The following DYM variants were observed in gnomAD, a reference collection of about 807,000 sequenced individuals.
DYM encodes the protein dyggve-Melchior-Clausen syndrome protein.
DYM carries 78 observed loss-of-function variants against 93.1 expected under a neutral mutation model. That is an observed-to-expected ratio of 0.84 (90% CI 0.70 to 1.01). The LOEUF is 1.01. Ranked by LOEUF, DYM falls within the 50% of genes least tolerant of loss-of-function variation. The pLI is 0.00. For missense variants in DYM, 789 were observed against 845.0 expected, an observed-to-expected ratio of 0.93 and a Z score of 0.82; for synonymous variants, 321 against 319.7, an observed-to-expected ratio of 1.00 and a Z score of -0.04.
rs71165367 is a variant in DYM at position 49,120,078 on chromosome 18, CA to C, written c.1729-1153del. On this transcript the variant is annotated intron_variant, in intron 15 of 17. Transcript: ENST00000675505. ...TGAGTGACAGAGCCAGATCCTGTCTCAAAAAAAAAAAAAAAAAGAAAAAAAA... is the reference window on the plus strand; with the variant it reads ...TGAGTGACAGAGCCAGATCCTGTCTCAAAAAAAAAAAAAAAAGAAAAAAAA... Among the ~76,000 whole-genome samples, 501 of 56,172 alleles carry C rather than the reference CA, an allele frequency of 8.9e-3. 5 individuals carry two copies. In the East Asian group the frequency reaches 0.099, roughly 11 times the overall value. 36.9% of individuals were successfully genotyped at this position (56,172 alleles called of 152,430 possible).
chr18:49,218,315 A>C (rs188585262), intron 13 of DYM, among the ~76,000 whole-genome samples: 4,413 of 152,326 alleles, frequency 0.029, 94 homozygotes, highest in South Asian at 0.072. Context: ...GGGAGACTTT[A>C]ACACCCCACT....
chr18:49,254,864 T>C (rs770336253), intron 13 of DYM, among the ~76,000 whole-genome samples: 1 of 152,168 alleles, frequency 6.6e-6, no homozygotes. Context: ...AACTCTGTTA[T>C]GGTGAAATAA....
At chr18:49,207,993 G>A (rs1005558362) in intron 14 of DYM, among the ~76,000 whole-genome samples, 2 of 151,926 alleles carry the variant, frequency 1.3e-5, no homozygotes, top group Admixed American at 6.6e-5. Flanking sequence ...GACTAGCCTG[G>A]CCAACATGGT....
At chr18:49,273,764 T>C (rs2094773950) in intron 10 of DYM, among the ~76,000 whole-genome samples, 1 of 152,012 alleles carries the variant, frequency 6.6e-6, no homozygotes, top group Admixed American at 6.6e-5. Flanking sequence ...TAATAAAACA[T>C]TTCTCAGAAC....
chr18:49,211,083 T>G lies in DYM; in HGVS notation c.1461-1368A>C, dbSNP rs537594402. Among the ~76,000 whole-genome samples, 3 of 152,278 alleles carry G rather than the reference T, an allele frequency of 2.0e-5. No homozygotes were observed. The East Asian group carries it at 5.8e-4, about 29-fold the overall frequency. ...GGAGTCAGAAAACTTAGAAATCCTT[T>G]GGAAAAGTGCTTGCAAAAATAAAAT... On this transcript the variant is annotated intron_variant, in intron 13 of 17. Transcript: ENST00000675505.
At chr18:49,198,140 C>G (rs1445325951) in intron 14 of DYM, among the ~76,000 whole-genome samples, 5 of 152,130 alleles carry the variant, frequency 3.3e-5, no homozygotes, top group East Asian at 1.9e-4. Context: ...AAAGGATTCC[C>G]TATTTAATAA....
chr18:49,125,042 G>A (rs1381285472), intron 15 of DYM, among the ~76,000 whole-genome samples: 2 of 152,234 alleles, frequency 1.3e-5, no homozygotes, highest in East Asian at 3.9e-4. Flanking sequence ...GGCGGATCAC[G>A]AGGTCAAGAG....
intron 10 of DYM, among the ~76,000 whole-genome samples, chr18:49,279,797 C>T (rs980949307): frequency 2.6e-5 from 4 of 152,196 alleles, no homozygotes; most frequent in Admixed American, 2.6e-4. Flanking sequence ...AGCATACTTT[C>T]ATACTCAATT....
chr18:49,277,604 G>C (rs2094877414), intron 10 of DYM, among the ~76,000 whole-genome samples: 1 of 152,170 alleles, frequency 6.6e-6, no homozygotes, highest in African/African-American at 2.4e-5. Flanking sequence ...ACCCTTATAA[G>C]AGATAGGAGA....
chr18:49,347,214 A>G (rs1224350546), intron 6 of DYM, among the ~76,000 whole-genome samples: 1 of 152,196 alleles, frequency 6.6e-6, no homozygotes, highest in Non-Finnish European at 1.5e-5. Flanking sequence ...TATAAGGGCA[A>G]GTAAGAAACT....
chr18:49,459,080 C>T (rs918753688), intron 1 of DYM, among the ~76,000 whole-genome samples: 2 of 152,128 alleles, frequency 1.3e-5, no homozygotes, highest in Admixed American at 1.3e-4. Context: ...GGTGCAAAAA[C>T]ATAAAAACTC....
At chr18:49,112,124 G>A (rs1485345631) in intron 16 of DYM, among the ~76,000 whole-genome samples, 3 of 151,188 alleles carry the variant, frequency 2.0e-5, no homozygotes, top group African/African-American at 7.3e-5. Context: ...CCTCCTCTCC[G>A]CACCCCCCTC....
At chr18:49,196,618 G>T (rs921859219) in intron 14 of DYM, among the ~76,000 whole-genome samples, 1 of 152,110 alleles carries the variant, frequency 6.6e-6, no homozygotes, top group South Asian at 2.1e-4. Flanking sequence ...AGTGAAAAAT[G>T]TAAGAAAATA....
At chr18:49,299,957 G>C (rs1185440264) in intron 8 of DYM, among the ~76,000 whole-genome samples, 1 of 150,328 alleles carries the variant, frequency 6.7e-6, no homozygotes, top group South Asian at 2.1e-4. Context: ...GCAGGAGAAT[G>C]GCATAAACCC....
intron 1 of DYM, among the ~76,000 whole-genome samples, chr18:49,433,157 G>C (rs79365902): frequency 0.077 from 11,717 of 152,204 alleles, 752 homozygotes; most frequent in East Asian, 0.31. Flanking sequence ...AGTCAAAACA[G>C]CTCCCGGATC....
At chr18:49,350,448 C>T (rs2065010866) in intron 6 of DYM, among the ~76,000 whole-genome samples, 1 of 152,166 alleles carries the variant, frequency 6.6e-6, no homozygotes, top group Non-Finnish European at 1.5e-5. Context: ...TGGCTTACGT[C>T]TGTAATCCCA....
chr18:49,174,083 A>C (rs2145323576), intron 14 of DYM, among the ~76,000 whole-genome samples: 1 of 152,242 alleles, frequency 6.6e-6, no homozygotes, highest in Non-Finnish European at 1.5e-5. Flanking sequence ...GAATTTTGTC[A>C]AATGCTTTTT....
Position 49,038,716 on chromosome 18 carries a change from T to C in DYM, c.*5339A>G, listed in dbSNP as rs552918423. 6.6e-6 allele frequency among the ~76,000 whole-genome samples: 1 copy of C among 152,354 alleles called. No homozygotes were observed. The highest frequency in any genetic ancestry group is 1.9e-4 in the East Asian group (1 of 5,196). On this transcript the variant is annotated 3_prime_UTR_variant, in exon 18 of 18. Transcript: ENST00000675505. ...CTGCTTTTTCTTCTTTCTTAGACTC[T>C]TTTGCAATTCTTAAATCTTCCACTG...
At chr18:49,311,267 C>T (rs2061569784) in intron 8 of DYM, among the ~76,000 whole-genome samples, 1 of 152,052 alleles carries the variant, frequency 6.6e-6, no homozygotes, top group Non-Finnish European at 1.5e-5. Flanking sequence ...TCACTGTGTG[C>T]CACTGAGGGC....
Sources: allele counts gnomAD v4.1 joint callset (sites outside exome capture counted in the v4.1 genomes callset), GRCh38; gene constraint gnomAD v4.1.1; transcripts MANE v1.5; gene names NCBI Gene and HGNC (gene_info 2026-07-23, HGNC 2026-07-21).